FOXP4: variants seen among roughly 807,000 people sequenced by gnomAD.
FOXP4 encodes forkhead box protein P4.
Under a neutral mutation model 82.6 loss-of-function variants are expected in FOXP4, and 25 were observed. That is an observed-to-expected ratio of 0.30 (90% CI 0.22 to 0.42). FOXP4 has a LOEUF of 0.42. Among genes scored for constraint, FOXP4 ranks in the 10% least tolerant of loss-of-function variants. The pLI, the probability that FOXP4 is intolerant of heterozygous loss-of-function variation, is 1.00. For missense variants in FOXP4, 785 were observed against 900.9 expected, an observed-to-expected ratio of 0.87 and a Z score of 1.65; for synonymous variants, 415 against 388.2, an observed-to-expected ratio of 1.07 and a Z score of -0.81.
In FOXP4 at chr6:41,600,389, C is replaced by G. The variant is rs1767155553; in HGVS notation, c.*1453C>G. 6.5e-6 allele frequency: 1 copy of G among 152,686 alleles called. No individual in the cohort carries two copies. Among genetic ancestry groups the G allele is most frequent in the African/African-American group, 2.4e-5 (1 of 41,452 alleles). The allele number at this position is 152,686 out of a possible 1,614,324, so 9.5% of individuals were successfully genotyped here. ...AAAAAGTCAGACTCTCCACAGACCC[C>G]CTATGGGGGACCCCCAACTCAAGGC... On this transcript the variant is annotated 3_prime_UTR_variant, in exon 17 of 17. Transcript: ENST00000307972.
At chr6:41,566,152 A>G (rs767567795) in intron 2 of FOXP4, among the ~76,000 whole-genome samples, 188 bp downstream of exon 2, 1 of 152,172 alleles carries the variant, frequency 6.6e-6, no homozygotes, top group Non-Finnish European at 1.5e-5. Context: ...AGCCTAGGCT[A>G]CCACAGCATT....
intron 14 of FOXP4, 128 bp downstream of exon 14, chr6:41,595,119 GA>G: frequency 7.1e-7 from 1 of 1,415,344 alleles, no homozygotes; most frequent in Non-Finnish European, 9.6e-7. Flanking sequence ...GGGGTGTGGG[GA>G]GAAAGGAGCA....
At position 41,587,838 on chromosome 6, in the gene FOXP4, C is replaced by T. The variant is rs769426658; in HGVS notation, c.918C>T (p.His306=). The T allele has an allele frequency of 8.9e-6, 14 of 1,572,576 alleles. No individual in the cohort carries two copies. The highest frequency in any genetic ancestry group is 5.4e-5 in the African/African-American group (4 of 73,834). ...ETPGSHPLYG[H]GECKWPGCET... Reference sequence around the variant, plus strand: ...CCGGCTCCCACCCCCTGTACGGACACGGAGAGTGCAAGTGGCCAGGCTGTG... The same window carrying T: ...CCGGCTCCCACCCCCTGTACGGACATGGAGAGTGCAAGTGGCCAGGCTGTG... The change falls in exon 8 of 17, where the codon CAC becomes CAT. Residue 306 remains histidine, a synonymous_variant. Transcript: ENST00000307972.
intron 13 of FOXP4, among the ~76,000 whole-genome samples, chr6:41,594,469 G>A (rs562856275): frequency 1.9e-4 from 29 of 152,194 alleles, no homozygotes; most frequent in Admixed American, 1.8e-3. Flanking sequence ...TCCTGGGCTC[G>A]CAGAGATGCC....
chr6:41,587,587 G>C (rs1766225218), intron 7 of FOXP4, 75 bp downstream of exon 7: 2 of 1,246,116 alleles, frequency 1.6e-6, no homozygotes. Context: ...CATGAGGGCT[G>C]ACTGTGAGGG....
intron 1 of FOXP4, among the ~76,000 whole-genome samples, chr6:41,556,640 C>A (rs1356947672): frequency 2.0e-5 from 3 of 152,058 alleles, no homozygotes; most frequent in African/African-American, 7.2e-5. Context: ...TGGTTTTTAA[C>A]AATAAAATAT....
rs549263268 is a variant in FOXP4, at chr6:41,593,864, C to T, written c.1537-1006C>T. Among the ~76,000 whole-genome samples, 68 of 152,296 alleles carry T rather than the reference C, an allele frequency of 4.5e-4. 1 individual carries two copies. The highest frequency in any genetic ancestry group is 7.2e-4 in the Admixed American group (11 of 15,310). On this transcript the variant is annotated intron_variant, in intron 13 of 16. Coordinates refer to ENST00000307972, the MANE Select transcript of FOXP4 (RefSeq NM_001012426.2). This position sits in a 1 kb window ranked among gnomAD's most constrained non-coding sequence, Gnocchi z 4.1. ...AGGGGCACGGGCTGCCTGCCCTACC[C>T]GCTTTCTTCCCCGTTTAGAAATGTA...
intron 13 of FOXP4, among the ~76,000 whole-genome samples, chr6:41,594,110 C>A (rs1286418356): frequency 6.6e-6 from 1 of 152,158 alleles, no homozygotes; most frequent in Non-Finnish European, 1.5e-5. Flanking sequence ...TTGGGCCAAG[C>A]ACCCCGCCCT....
At chr6:41,571,162 C>G (rs1765178013) in intron 2 of FOXP4, among the ~76,000 whole-genome samples, 1 of 151,934 alleles carries the variant, frequency 6.6e-6, no homozygotes, top group Non-Finnish European at 1.5e-5. Flanking sequence ...CACCCACCAC[C>G]ACCTTGGTGA....
chr6:41,584,780 G>T lies in FOXP4; in HGVS notation c.312G>T (p.Ser104=). The T allele has an allele frequency of 6.3e-7, 1 of 1,592,120 alleles. No homozygotes were observed. Among genetic ancestry groups the T allele is most frequent in the East Asian group, 2.3e-5 (1 of 43,820 alleles). The change falls in exon 4 of 17, where the codon TCG becomes TCT. Residue 104 remains serine, a synonymous_variant. Coordinates refer to ENST00000307972, the MANE Select transcript of FOXP4 (RefSeq NM_001012426.2). The part of the protein sequence containing the change: ...QSASAVQVPV[S]VAMMSPQMLT... Reference sequence around the variant, plus strand: ...GCCGAATCCTGCAGGTGCCTGTGTCGGTGGCCATGATGTCGCCGCAGATGC... The same window carrying T: ...GCCGAATCCTGCAGGTGCCTGTGTCTGTGGCCATGATGTCGCCGCAGATGC...
At position 41,593,876 on chromosome 6, in the gene FOXP4, C is replaced by T. The variant is rs531774358; in HGVS notation, c.1537-994C>T. Among the ~76,000 whole-genome samples the T allele has an allele frequency of 7.9e-4, 120 of 152,264 alleles. 2 individuals are homozygous for T. The highest frequency in any genetic ancestry group is 2.6e-3 in the African/African-American group (108 of 41,540). The stretch of plus-strand genomic sequence containing the variant: ...TGCCTGCCCTACCCGCTTTCTTCCC[C>T]GTTTAGAAATGTAAAGAGGAGACAA... On this transcript the variant is annotated intron_variant, in intron 13 of 16. Transcript: ENST00000307972. The surrounding 1 kb of genome is among the most constrained non-coding windows in gnomAD (Gnocchi z 4.1).
intron 3 of FOXP4, among the ~76,000 whole-genome samples, chr6:41,583,808 T>C (rs1003497635): frequency 7.2e-5 from 11 of 152,286 alleles, no homozygotes; most frequent in African/African-American, 2.4e-4. Context: ...GGGAAGAGAA[T>C]GATGTCATTG....
chr6:41,598,760 C>T, intron 16 of FOXP4, 29 bp from the exon 17 acceptor site: 1 of 1,550,278 alleles, frequency 6.5e-7, no homozygotes, highest in Non-Finnish European at 8.7e-7. Flanking sequence ...GGACAGCCGC[C>T]TGGTGCCCAT....
At chr6:41,547,905 C>G (rs940207446) in intron 1 of FOXP4, among the ~76,000 whole-genome samples, 2 of 152,236 alleles carry the variant, frequency 1.3e-5, no homozygotes, top group Non-Finnish European at 2.9e-5. Flanking sequence ...TGCGTCAGAG[C>G]ACAGCCAGTG....
rs753544764 is a variant in FOXP4, at chr6:41,578,001, C to A, written c.220C>A (p.Arg74=). 2.5e-6 allele frequency: 4 copies of A among 1,612,670 alleles called. No individual in the cohort carries two copies. In the South Asian group the frequency reaches 3.3e-5, roughly 13 times the overall value. The change falls in exon 3 of 17, where the codon CGG becomes AGG. Residue 74 remains arginine, a synonymous_variant. Transcript: ENST00000307972. Reference sequence around the variant, plus strand: ...TGTCTTGCAGGCTCTCCAAGTGGCCCGGCAGTTCCTGCTGCAGCAGGCCTC... The same window carrying A: ...TGTCTTGCAGGCTCTCCAAGTGGCCAGGCAGTTCCTGCTGCAGCAGGCCTC... ...FQQQQALQVA[R]QFLLQQASGL...
intron 13 of FOXP4, 67 bp from the exon 14 acceptor site, chr6:41,594,803 T>G: frequency 6.3e-7 from 1 of 1,599,862 alleles, no homozygotes; most frequent in Non-Finnish European, 8.5e-7. Context: ...TGGGATGGGA[T>G]GAGGACTATC....
chr6:41,578,284 C>G (rs887960348), intron 3 of FOXP4, among the ~76,000 whole-genome samples: 2 of 152,240 alleles, frequency 1.3e-5, no homozygotes, highest in African/African-American at 4.8e-5. Context: ...TCAGCCAGAC[C>G]TTCCGCTAGC....
chr6:41,558,038 C>G lies in FOXP4; in HGVS notation c.-16-7707C>G, dbSNP rs953707487. On this transcript the variant is annotated intron_variant, in intron 1 of 16. Transcript: ENST00000307972. The surrounding 1 kb of genome is among the most constrained non-coding windows in gnomAD (Gnocchi z 4.0). ...TCCCTAGAGTTGGGGTAGGCAGCTT[C>G]TAGGATGTCACAGTCATTGAGGGAG... Among the ~76,000 whole-genome samples, 1 of 152,072 alleles carries G rather than the reference C, an allele frequency of 6.6e-6. No individual in the cohort carries two copies. The highest frequency in any genetic ancestry group is 1.5e-5 in the Non-Finnish European group (1 of 68,000).
chr6:41,584,842 C>T lies in FOXP4; in HGVS notation c.374C>T (p.Pro125Leu), dbSNP rs746858403. 2.5e-6 allele frequency: 4 copies of T among 1,610,414 alleles called. No individual in the cohort carries two copies. In the Admixed American group the frequency reaches 5.0e-5, roughly 20 times the overall value. Residue 125 changes from proline (P) to leucine (L), a missense_variant, in exon 4 of 17, where the codon CCG becomes CTG. Around this residue, in one of 3 missense-constraint regions of FOXP4, gnomAD observed 570 missense variants for 634.0 expected, o/e 0.90. Coordinates refer to ENST00000307972, the MANE Select transcript of FOXP4 (RefSeq NM_001012426.2). ...CAGATGCAGCAGATCCTGTCGCCCCCGCAGCTGCAGGCCTTGCTCCAGCAG... is the reference window on the plus strand; with the variant it reads ...CAGATGCAGCAGATCCTGTCGCCCCTGCAGCTGCAGGCCTTGCTCCAGCAG... ...PQQMQQILSP[P>L]QLQALLQQQQ...
Sources: allele counts gnomAD v4.1 joint callset (sites outside exome capture counted in the v4.1 genomes callset), GRCh38; gene constraint gnomAD v4.1.1; regional missense constraint gnomAD v4.1.1; non-coding constraint Gnocchi (gnomAD v3.1); transcripts MANE v1.5; gene names NCBI Gene and HGNC (gene_info 2026-07-23, HGNC 2026-07-21).